The following NFATC1 variants were observed in gnomAD, a reference collection of about 807,000 sequenced individuals.
NFATC1 encodes the protein nuclear factor of activated T-cells, cytoplasmic 1.
NFATC1 carries 22 observed loss-of-function variants against 76.0 expected under a neutral mutation model. The ratio of observed to expected loss-of-function variants is 0.29; its 90% CI spans 0.21 to 0.41. The LOEUF (loss-of-function observed/expected upper bound fraction) is 0.41, where lower values mean the gene tolerates loss of function less well. NFATC1 is among the 10% of genes least tolerant of loss of function. NFATC1 has a pLI of 1.00. For missense variants in NFATC1, 1,357 were observed against 1,337.7 expected (o/e 1.01, Z -0.23); for synonymous variants, 704 against 613.1 (o/e 1.15, Z -2.19).
In NFATC1 at chr18:79,503,081, G is replaced by A. The variant is rs187675397; in HGVS notation, c.2782+16144G>A. 3.2e-4 allele frequency among the ~76,000 whole-genome samples: 48 copies of A among 152,332 alleles called. No individual in the cohort carries two copies. In the East Asian group the frequency reaches 8.5e-3, roughly 27 times the overall value. On this transcript the variant is annotated intron_variant, in intron 9 of 9. Coordinates refer to ENST00000427363, the MANE Select transcript of NFATC1 (RefSeq NM_001278669.2). ...AAACAACCACAATGCCCAGCATGTG[G>A]GGAAGAGAGAGGAAAGGTGGGGTTT...
chr18:79,477,548 C>A (rs1190659324), intron 8 of NFATC1, among the ~76,000 whole-genome samples: 1 of 151,998 alleles, frequency 6.6e-6, no homozygotes, highest in African/African-American at 2.4e-5. Flanking sequence ...CATGGTGGAG[C>A]ACTACCGGCC....
At chr18:79,469,952 G>T (rs980087444) in intron 8 of NFATC1, 2 of 985,366 alleles carry the variant, frequency 2.0e-6, no homozygotes, top group Admixed American at 1.2e-4. Context: ...CAGTGTTGAC[G>T]CTGGGCCTAC....
intron 9 of NFATC1, among the ~76,000 whole-genome samples, chr18:79,488,894 A>T (rs1431282017): frequency 7.1e-6 from 1 of 141,236 alleles, no homozygotes; most frequent in Admixed American, 7.0e-5. Context: ...GGTCCCGGTC[A>T]TGTTTCTGCT....
chr18:79,494,853 G>A (rs1357897945), intron 9 of NFATC1, among the ~76,000 whole-genome samples: 10 of 107,858 alleles, frequency 9.3e-5, no homozygotes, highest in Admixed American at 3.0e-4. Flanking sequence ...TGAACCTGGT[G>A]CGGCCGGGGG....
At chr18:79,506,513 T>C (rs1045976407) in intron 9 of NFATC1, among the ~76,000 whole-genome samples, 4 of 152,026 alleles carry the variant, frequency 2.6e-5, no homozygotes, top group African/African-American at 9.7e-5. Context: ...GAGAGCTGAG[T>C]GTGGTTTCAT....
At chr18:79,431,571 C>T (rs1020823852) in intron 2 of NFATC1, among the ~76,000 whole-genome samples, 2 of 152,052 alleles carry the variant, frequency 1.3e-5, no homozygotes, top group Non-Finnish European at 2.9e-5. Flanking sequence ...TTTTTTGTTT[C>T]GTAGAGATGG....
chr18:79,490,947 T>C (rs2089661108), intron 9 of NFATC1, among the ~76,000 whole-genome samples: 1 of 151,912 alleles, frequency 6.6e-6, no homozygotes, highest in South Asian at 2.1e-4. Flanking sequence ...ACCTGAATTG[T>C]AAGGTGGAAC....
chr18:79,482,373 G>A (rs1279412042), intron 8 of NFATC1, among the ~76,000 whole-genome samples: 1 of 73,666 alleles, frequency 1.4e-5, no homozygotes, highest in African/African-American at 5.6e-5. Flanking sequence ...CCAGTGTGAC[G>A]TGGTCCTGGG....
At position 79,412,048 on chromosome 18, in the gene NFATC1, G is replaced by A. The variant is rs575021982; in HGVS notation, c.1226+547G>A. 5.3e-5 allele frequency among the ~76,000 whole-genome samples: 8 copies of A among 152,370 alleles called. No homozygotes were observed. In the South Asian group the frequency reaches 1.2e-3, roughly 24 times the overall value. ...TGCCCCAGAGCACCCAGTCCGCCACGCTTTGGAACAGCACGGCCTCCTGCT... is the reference window on the plus strand; with the variant it reads ...TGCCCCAGAGCACCCAGTCCGCCACACTTTGGAACAGCACGGCCTCCTGCT... On this transcript the variant is annotated intron_variant, in intron 2 of 9. Transcript: ENST00000427363.
In NFATC1 at chr18:79,410,232, T is replaced by TC. The variant is rs1024324849; in HGVS notation, c.128-169dup. 9.0e-7 allele frequency: 1 copy of TC among 1,111,494 alleles called. No individual in the cohort carries two copies. The highest frequency in any genetic ancestry group is 1.6e-5 in the African/African-American group (1 of 64,404). The allele number at this position is 1,111,494 out of a possible 1,614,324, so 68.9% of individuals were successfully genotyped here. A position where few individuals can be genotyped will look rare whatever the true frequency, so the allele number is the denominator to read the frequency against. Reference sequence around the variant, plus strand: ...GGCCAGGTGGGACTGGGGCTGTCACTCCAAGTCGCCCGGAGCTGTCCGGCA... The same window carrying TC: ...GGCCAGGTGGGACTGGGGCTGTCACTCCCAAGTCGCCCGGAGCTGTCCGGCA... On this transcript the variant is annotated intron_variant, in intron 1 of 9. Coordinates refer to ENST00000427363, the MANE Select transcript of NFATC1 (RefSeq NM_001278669.2). The surrounding 1 kb of genome is among the most constrained non-coding windows in gnomAD (Gnocchi z 6.7).
intron 2 of NFATC1, among the ~76,000 whole-genome samples, chr18:79,429,432 G>C (rs972921136): frequency 6.6e-6 from 1 of 151,996 alleles, no homozygotes; most frequent in African/African-American, 2.4e-5. Context: ...TTATGTTGAA[G>C]ATGAGTTTGA....
intron 3 of NFATC1, among the ~76,000 whole-genome samples, chr18:79,445,189 C>A (rs1221159038): frequency 3.9e-5 from 6 of 152,234 alleles, no homozygotes; most frequent in African/African-American, 1.4e-4. Flanking sequence ...ATTTTTCTTA[C>A]AAGTACCGTG....
intron 8 of NFATC1, among the ~76,000 whole-genome samples, chr18:79,484,299 G>A (rs951070394): frequency 3.3e-5 from 5 of 152,190 alleles, no homozygotes; most frequent in East Asian, 1.9e-4. Context: ...GGCCTGGCAC[G>A]ACCCTCAGCA....
intron 9 of NFATC1, among the ~76,000 whole-genome samples, chr18:79,516,778 G>A (rs562797374): frequency 3.9e-5 from 6 of 152,290 alleles, no homozygotes; most frequent in Middle Eastern, 3.4e-3. Flanking sequence ...CATCAGACAC[G>A]ATATACGTAC....
chr18:79,426,570 C>T (rs2086343414), intron 2 of NFATC1, among the ~76,000 whole-genome samples: 1 of 123,604 alleles, frequency 8.1e-6, no homozygotes, highest in Admixed American at 7.5e-5. Flanking sequence ...AGTTCTGGGC[C>T]CCCTGGTGTC....
chr18:79,432,724 C>T (rs370464361), intron 2 of NFATC1, among the ~76,000 whole-genome samples: 13 of 152,200 alleles, frequency 8.5e-5, no homozygotes, highest in African/African-American at 2.9e-4. Context: ...ATGCAAGAAC[C>T]CCTTGGGTGC....
intron 6 of NFATC1, among the ~76,000 whole-genome samples, chr18:79,455,813 T>G (rs1248611640): frequency 9.6e-6 from 1 of 104,354 alleles, no homozygotes; most frequent in African/African-American, 3.4e-5. Flanking sequence ...CCCCATCCTC[T>G]GGCCCTGGAT....
chr18:79,527,289 G>A (rs1225369932), intron 9 of NFATC1: 3 of 494,366 alleles, frequency 6.1e-6, no homozygotes, highest in Non-Finnish European at 1.1e-5. Flanking sequence ...TCAGAGACGT[G>A]CTGGTACCGT....
In NFATC1 at chr18:79,465,989, C is replaced by T. The variant is rs903774940; in HGVS notation, c.1960-1461C>T. ...GCAGGAAGACGCCCATGTGCCATGGCTTCTGCTTCTTCCCAATGAACTGCA... is the reference window on the plus strand; with the variant it reads ...GCAGGAAGACGCCCATGTGCCATGGTTTCTGCTTCTTCCCAATGAACTGCA... On this transcript the variant is annotated intron_variant, in intron 7 of 9. Coordinates refer to ENST00000427363, the MANE Select transcript of NFATC1 (RefSeq NM_001278669.2). The surrounding 1 kb of genome is among the most constrained non-coding windows in gnomAD (Gnocchi z 4.2). 3.9e-5 allele frequency among the ~76,000 whole-genome samples: 6 copies of T among 152,336 alleles called. No homozygotes were observed. The highest frequency in any genetic ancestry group is 1.3e-4 in the Admixed American group (2 of 15,308).
Sources: gnomAD v4.1 joint callset for allele counts (sites outside exome capture counted in the v4.1 genomes callset) on GRCh38, gnomAD v4.1.1 for gene constraint, Gnocchi (gnomAD v3.1) non-coding constraint, MANE v1.5 for transcripts, NCBI Gene and HGNC (gene_info 2026-07-23, HGNC 2026-07-21) for gene names.